Variants in PLGRKT observed in about 807,000 individuals in gnomAD.
The protein encoded by PLGRKT is plasminogen receptor with a C-terminal lysine, also known as plasminogen receptor (KT).
PLGRKT carries 22 observed loss-of-function variants against 18.5 expected under a neutral mutation model. The observed-to-expected ratio is 1.19, with a 90% CI of 0.85 to 1.70. PLGRKT has a LOEUF of 1.70. Ranked by LOEUF, PLGRKT falls within the 40% of genes most tolerant of loss-of-function variation. The pLI is 0.00. For synonymous variants in PLGRKT, 72 were observed against 52.8 expected (o/e 1.36, Z -1.58); for missense variants, 235 against 174.4 (o/e 1.35, Z -1.96).
intron 3 of PLGRKT, among the ~76,000 whole-genome samples, chr9:5,431,396 T>C (rs911525799): frequency 1.3e-5 from 2 of 150,610 alleles, no homozygotes; most frequent in Non-Finnish European, 3.0e-5. Context: ...TAGCCGGGAG[T>C]GGTGGTGCAT....
intron 3 of PLGRKT, among the ~76,000 whole-genome samples, chr9:5,372,819 G>A (rs1369152061): frequency 6.6e-6 from 1 of 152,166 alleles, no homozygotes; most frequent in African/African-American, 2.4e-5. Context: ...TGTATAGGCA[G>A]GCATGCTATT....
intron 3 of PLGRKT, among the ~76,000 whole-genome samples, chr9:5,379,496 G>C (rs1817695417): frequency 6.6e-6 from 1 of 152,004 alleles, no homozygotes; most frequent in African/African-American, 2.4e-5. Context: ...ACATGTGAGT[G>C]GATATGTGTG....
At chr9:5,397,508 T>G (rs1004650628) in intron 3 of PLGRKT, among the ~76,000 whole-genome samples, 1 of 151,114 alleles carries the variant, frequency 6.6e-6, no homozygotes, top group Non-Finnish European at 1.5e-5. Context: ...CATCAAATAT[T>G]TGTTGAAAGA....
At chr9:5,430,799 C>A (rs963382532) in intron 3 of PLGRKT, among the ~76,000 whole-genome samples, 1 of 152,204 alleles carries the variant, frequency 6.6e-6, no homozygotes, top group Non-Finnish European at 1.5e-5. Context: ...TGTCTGAAAT[C>A]TTAGGAAAAT....
intron 2 of PLGRKT, among the ~76,000 whole-genome samples, chr9:5,435,019 C>G (rs942715904): frequency 6.6e-6 from 1 of 151,804 alleles, no homozygotes; most frequent in Non-Finnish European, 1.5e-5. Flanking sequence ...TAACCTTACC[C>G]CCAACCCCCT....
intron 3 of PLGRKT, 78 bp from the exon 4 acceptor site, chr9:5,361,966 G>C: frequency 7.3e-7 from 1 of 1,373,576 alleles, no homozygotes; most frequent in South Asian, 1.3e-5. Flanking sequence ...TGTTTTTCCA[G>C]CGGATTCATT....
rs143461014 is a variant in PLGRKT at position 5,361,731 on chromosome 9, G to A, written c.212+27C>T. ...AAAACACAAAAAGAAGTAAATGACT[G>A]AAGAAAATGTTAAATAGCAAACATA... is the stretch of plus-strand genomic sequence containing the variant. On this transcript the variant is annotated intron_variant, in intron 4 of 5. Transcript: ENST00000223864. The A allele has an allele frequency of 4.7e-5, 74 of 1,585,016 alleles. No homozygotes were observed. The East Asian group carries it at 1.4e-3, about 29-fold the overall frequency.
At chr9:5,396,071 T>C in intron 3 of PLGRKT, among the ~76,000 whole-genome samples, 1 of 151,392 alleles carries the variant, frequency 6.6e-6, no homozygotes, top group Non-Finnish European at 1.5e-5. Flanking sequence ...TTTTTGTAGT[T>C]TTAGTAGAGA....
intron 3 of PLGRKT, 73 bp downstream of exon 3, chr9:5,431,824 T>G: frequency 1.4e-6 from 1 of 732,486 alleles, no homozygotes; most frequent in Non-Finnish European, 2.4e-6. Context: ...AAAGAGAATG[T>G]ACGGCTGGAG....
At chr9:5,431,639 G>A (rs559931556) in intron 3 of PLGRKT, among the ~76,000 whole-genome samples, 31 of 152,050 alleles carry the variant, frequency 2.0e-4, no homozygotes, top group Admixed American at 1.6e-3. Context: ...GGGGTGGGGG[G>A]CATTATTCTA....
In PLGRKT at chr9:5,418,366, C is replaced by T. The variant is rs1252404218; in HGVS notation, c.81+13531G>A. ...CCACAAGAGACTTCCCTGCAGCCCT[C>T]TCCAGCCACAAGATGTCACAGTCAA... is the stretch of plus-strand genomic sequence containing the variant. On this transcript the variant is annotated intron_variant, in intron 3 of 5. Transcript: ENST00000223864. This position sits in a 1 kb window ranked among gnomAD's most constrained non-coding sequence, Gnocchi z 4.2. The T allele has an allele frequency of 2.7e-6, 2 of 738,782 alleles. No individual in the cohort carries two copies. Among genetic ancestry groups the T allele is most frequent in the African/African-American group, 1.7e-5 (1 of 57,344 alleles). 45.8% of individuals were successfully genotyped at this position (738,782 alleles called of 1,614,324 possible). A position where few individuals can be genotyped will look rare whatever the true frequency, so the allele number is the denominator to read the frequency against.
chr9:5,396,445 A>G (rs1231744684), intron 3 of PLGRKT, among the ~76,000 whole-genome samples: 12 of 150,630 alleles, frequency 8.0e-5, no homozygotes, highest in Non-Finnish European at 1.5e-5. Flanking sequence ...ACCACCACAC[A>G]TGGCTAATTT....
intron 3 of PLGRKT, among the ~76,000 whole-genome samples, chr9:5,416,891 C>T (rs1400760856): frequency 2.0e-5 from 3 of 152,206 alleles, no homozygotes; most frequent in African/African-American, 7.2e-5. Context: ...TCACTTCCTA[C>T]CATTTCTGGA....
At chr9:5,410,327 G>A (rs991284014) in intron 3 of PLGRKT, among the ~76,000 whole-genome samples, 1 of 152,160 alleles carries the variant, frequency 6.6e-6, no homozygotes, top group East Asian at 1.9e-4. Context: ...CTTGAGGTCA[G>A]GAGTTTAAGA....
At chr9:5,392,070 C>G (rs974821034) in intron 3 of PLGRKT, among the ~76,000 whole-genome samples, 1 of 151,934 alleles carries the variant, frequency 6.6e-6, no homozygotes, top group Non-Finnish European at 1.5e-5. Flanking sequence ...GTGTGTGAGG[C>G]AGCAACAAGG....
chr9:5,381,700 G>C (rs1384141247), intron 3 of PLGRKT, among the ~76,000 whole-genome samples: 1 of 152,208 alleles, frequency 6.6e-6, no homozygotes, highest in African/African-American at 2.4e-5. Context: ...GTCACCTCTT[G>C]GGAGGAGATG....
intron 3 of PLGRKT, among the ~76,000 whole-genome samples, chr9:5,420,224 G>A (rs933909923): frequency 3.3e-5 from 5 of 152,188 alleles, no homozygotes; most frequent in Non-Finnish European, 7.3e-5. Flanking sequence ...CATATTAGTG[G>A]TTGCAAAGGG....
Position 5,410,340 on chromosome 9 carries a change from A to G in PLGRKT, c.81+21557T>C, listed in dbSNP as rs1274816860. Among the ~76,000 whole-genome samples, 5 of 152,092 alleles carry G rather than the reference A, an allele frequency of 3.3e-5. No individual in the cohort carries two copies. In the East Asian group the frequency reaches 9.6e-4, roughly 29 times the overall value. On this transcript the variant is annotated intron_variant, in intron 3 of 5. Transcript: ENST00000223864. ...CACTTGAGGTCAGGAGTTTAAGACC[A>G]GCCTAGGCAACATGGTGAAACCCCC...
chr9:5,413,831 C>G (rs1340857990), intron 3 of PLGRKT, among the ~76,000 whole-genome samples: 1 of 152,094 alleles, frequency 6.6e-6, no homozygotes, highest in Non-Finnish European at 1.5e-5. Context: ...TTTGATATAG[C>G]TACACAATAA....
Sources: gnomAD v4.1 joint callset for allele counts (sites outside exome capture counted in the v4.1 genomes callset) on GRCh38, gnomAD v4.1.1 for gene constraint, Gnocchi (gnomAD v3.1) non-coding constraint, MANE v1.5 for transcripts, NCBI Gene and HGNC (gene_info 2026-07-23, HGNC 2026-07-21) for gene names.